Variants in NEGR1 observed in about 807,000 individuals in gnomAD.
NEGR1 encodes IgLON family member 4.
Under a neutral mutation model 40.9 loss-of-function variants are expected in NEGR1, and 10 were observed. That is an observed-to-expected ratio of 0.24 (90% CI 0.15 to 0.42). The LOEUF is 0.42. Among genes scored for constraint, NEGR1 ranks in the 10% least tolerant of loss-of-function variants. NEGR1 has a pLI of 1.00. For synonymous variants in NEGR1, 185 were observed against 166.8 expected, an observed-to-expected ratio of 1.11 and a Z score of -0.84; for missense variants, 352 against 438.9, an observed-to-expected ratio of 0.80 and a Z score of 1.77.
chr1:72,112,437 T>C (rs1038462451), intron 1 of NEGR1, among the ~76,000 whole-genome samples: 1 of 151,778 alleles, frequency 6.6e-6, no homozygotes, highest in Non-Finnish European at 1.5e-5. Flanking sequence ...TTTTATTTTA[T>C]AATATCCTAC....
intron 2 of NEGR1, among the ~76,000 whole-genome samples, chr1:71,877,118 G>T (rs1045457390): frequency 6.6e-6 from 1 of 150,996 alleles, no homozygotes; most frequent in Non-Finnish European, 1.5e-5. Flanking sequence ...AGCATTCAAA[G>T]CAAAGGTAGG....
chr1:72,073,407 C>T (rs1439025885), intron 1 of NEGR1, among the ~76,000 whole-genome samples: 2 of 151,986 alleles, frequency 1.3e-5, no homozygotes. Context: ...TTTGCTTGTG[C>T]TCTGTGATTA....
At position 71,674,109 on chromosome 1, in the gene NEGR1, G is replaced by T. The variant is rs112095716; in HGVS notation, c.667+23899C>A. On this transcript the variant is annotated intron_variant, in intron 4 of 6. Transcript: ENST00000357731. ...TTATTTCTCAAAAGTCATATGCTGG[G>T]TAGCACCATTTATTTCTTCTATTAT... Among the ~76,000 whole-genome samples the T allele has an allele frequency of 3.5e-3, 525 of 152,160 alleles. 2 individuals are homozygous for T. Among genetic ancestry groups the T allele is most frequent in the South Asian group, 9.7e-3 (47 of 4,824 alleles).
intron 2 of NEGR1, among the ~76,000 whole-genome samples, chr1:71,778,216 T>G (rs1237672906): frequency 6.6e-6 from 1 of 152,012 alleles, no homozygotes; most frequent in African/African-American, 2.4e-5. Flanking sequence ...CATATATAGA[T>G]GGTCACTGAC....
At chr1:72,275,261 CA>C (rs1329273795) in intron 1 of NEGR1, 4 of 547,146 alleles carry the variant, frequency 7.3e-6, no homozygotes, top group Non-Finnish European at 1.3e-5. Context: ...AGTTATACCA[CA>C]TTTTTTTCTG....
At chr1:72,184,030 A>G (rs1244941111) in intron 1 of NEGR1, among the ~76,000 whole-genome samples, 1 of 152,146 alleles carries the variant, frequency 6.6e-6, no homozygotes, top group Admixed American at 6.6e-5. Context: ...ACTGTAATTG[A>G]ACAGCCGTAT....
intron 5 of NEGR1, among the ~76,000 whole-genome samples, chr1:71,607,313 T>C (rs1248249523): frequency 6.6e-6 from 1 of 152,266 alleles, no homozygotes; most frequent in Admixed American, 6.5e-5. Flanking sequence ...TGCAGTTTCT[T>C]ATTTTGCAAA....
intron 2 of NEGR1, among the ~76,000 whole-genome samples, chr1:71,916,666 G>A (rs1661595189): frequency 6.6e-6 from 1 of 152,150 alleles, no homozygotes; most frequent in Non-Finnish European, 1.5e-5. Context: ...AGAGGCAGGA[G>A]AATTGCTTGA....
At chr1:71,906,290 C>T (rs372707943) in intron 2 of NEGR1, among the ~76,000 whole-genome samples, 133 of 152,044 alleles carry the variant, frequency 8.7e-4, no homozygotes, top group African/African-American at 2.4e-3. Context: ...GTACCGTATA[C>T]GCTGCTCGGG....
At chr1:72,216,051 G>T (rs149935893) in intron 1 of NEGR1, among the ~76,000 whole-genome samples, 2 of 151,680 alleles carry the variant, frequency 1.3e-5, no homozygotes, top group South Asian at 4.2e-4. Context: ...AGTTCATGTC[G>T]TTTGCAGGGA....
rs900376734 is a variant in NEGR1 at position 71,405,793 on chromosome 1, A to T, written c.*1653T>A. 6.6e-6 allele frequency: 1 copy of T among 151,868 alleles called. No homozygotes were observed. Among genetic ancestry groups the T allele is most frequent in the African/African-American group, 2.4e-5 (1 of 41,308 alleles). The allele number at this position is 151,868 out of a possible 1,614,324, so 9.4% of individuals were successfully genotyped here. On this transcript the variant is annotated 3_prime_UTR_variant, in exon 7 of 7. Coordinates refer to ENST00000357731, the MANE Select transcript of NEGR1 (RefSeq NM_173808.3). ...AATTTCTTGTATCTAATTTTATTAT[A>T]GGGTCTTTGTTGTTACAACTTGTAA...
At chr1:71,688,388 T>TAG (rs1653125590) in intron 4 of NEGR1, among the ~76,000 whole-genome samples, 1 of 28,388 alleles carries the variant, frequency 3.5e-5, no homozygotes, top group Non-Finnish European at 7.4e-5. Flanking sequence ...ATAAAAGATA[T>TAG]ATAAAATATA....
chr1:71,930,785 A>G (rs1416900489), intron 2 of NEGR1, among the ~76,000 whole-genome samples: 3 of 152,144 alleles, frequency 2.0e-5, no homozygotes, highest in Non-Finnish European at 2.9e-5. Flanking sequence ...ACGGAAGAAG[A>G]AGGAGATGGG....
At chr1:71,570,055 AAAC>A (rs1648761204) in intron 6 of NEGR1, among the ~76,000 whole-genome samples, 1 of 152,244 alleles carries the variant, frequency 6.6e-6, no homozygotes, top group Non-Finnish European at 1.5e-5. Context: ...ATTTCCTTAA[AAAC>A]AACAACAAAA....
intron 1 of NEGR1, among the ~76,000 whole-genome samples, chr1:72,027,541 A>C (rs1397915899): frequency 6.6e-6 from 1 of 152,028 alleles, no homozygotes; most frequent in Non-Finnish European, 1.5e-5. Flanking sequence ...ACCAGGTATA[A>C]ATAATAATTA....
intron 1 of NEGR1, among the ~76,000 whole-genome samples, chr1:72,063,406 C>T (rs577925397): frequency 4.0e-4 from 61 of 151,900 alleles, no homozygotes; most frequent in Non-Finnish European, 5.7e-4. Context: ...TAGTTATGTA[C>T]GGCGTAATGG....
intron 6 of NEGR1, among the ~76,000 whole-genome samples, chr1:71,554,904 C>A (rs1048486739): frequency 6.6e-6 from 1 of 151,446 alleles, no homozygotes; most frequent in Admixed American, 6.6e-5. Flanking sequence ...ATCCAAGAAC[C>A]TTTAACTCAA....
chr1:71,546,604 A>G (rs1647902843), intron 6 of NEGR1, among the ~76,000 whole-genome samples: 1 of 151,642 alleles, frequency 6.6e-6, no homozygotes, highest in African/African-American at 2.4e-5. Flanking sequence ...AACTCAGAGA[A>G]GTTGGCAGTA....
chr1:72,003,556 GA>G (rs374806611), intron 1 of NEGR1, among the ~76,000 whole-genome samples: 1 of 151,266 alleles, frequency 6.6e-6, no homozygotes, highest in African/African-American at 2.4e-5. Flanking sequence ...GGAGAACTTA[GA>G]AAAAAAAGCT....
Sources: gnomAD v4.1 joint callset for allele counts (sites outside exome capture counted in the v4.1 genomes callset) on GRCh38, gnomAD v4.1.1 for gene constraint, MANE v1.5 for transcripts, NCBI Gene and HGNC (gene_info 2026-07-23, HGNC 2026-07-21) for gene names.